The following MEDAG variants were observed in gnomAD, a reference collection of about 807,000 sequenced individuals.
MEDAG encodes mesenteric estrogen dependent adipogenesis.
A neutral mutation model predicts 29.9 loss-of-function variants in MEDAG; 25 were observed. The ratio of observed to expected loss-of-function variants is 0.84; its 90% CI spans 0.61 to 1.17. The LOEUF (loss-of-function observed/expected upper bound fraction) is 1.17. Among genes scored for constraint, MEDAG ranks in the 50% most tolerant of loss-of-function variants. The pLI, the probability that MEDAG is intolerant of heterozygous loss-of-function variation, is 0.00. For missense variants in MEDAG, 398 were observed against 372.9 expected (o/e 1.07, Z -0.56); for synonymous variants, 158 against 148.2 (o/e 1.07, Z -0.48).
chr13:30,923,789 T>C (rs1180831026), intron 4 of MEDAG, among the ~76,000 whole-genome samples: 1 of 152,144 alleles, frequency 6.6e-6, no homozygotes, highest in Non-Finnish European at 1.5e-5. Context: ...TGAGGAACAT[T>C]TGAAGTTAAG....
chr13:30,907,053 G>A (rs1227954889), intron 1 of MEDAG, among the ~76,000 whole-genome samples: 1 of 152,250 alleles, frequency 6.6e-6, no homozygotes, highest in African/African-American at 2.4e-5. Flanking sequence ...GGGGCGAGGG[G>A]GAGGGCAGGG....
intron 2 of MEDAG, among the ~76,000 whole-genome samples, chr13:30,920,306 C>A (rs1952970114): frequency 6.6e-6 from 1 of 152,196 alleles, no homozygotes; most frequent in Admixed American, 6.5e-5. Context: ...GAATACCCAG[C>A]AAGTCATGGT....
chr13:30,922,004 C>G (rs923654997), intron 4 of MEDAG, 158 bp downstream of exon 4: 12 of 764,210 alleles, frequency 1.6e-5, no homozygotes, highest in Non-Finnish European at 2.4e-5. Context: ...ATGTTTATTA[C>G]CAAAAACAAA....
rs911052266 is a variant in MEDAG at position 30,921,762 on chromosome 13, A to G, written c.703A>G (p.Ile235Val). 1 of 1,613,626 alleles carries G rather than the reference A, an allele frequency of 6.2e-7. No homozygotes were observed. The highest frequency in any genetic ancestry group is 1.3e-5 in the African/African-American group (1 of 74,926). The change falls in exon 4 of 5, where the codon ATT becomes GTT. Residue 235 changes from isoleucine to valine, a missense_variant. By Grantham distance (29) the Ile-to-Val change is conservative. Transcript: ENST00000380482. ...TACAAGTCCAGAAAAGAAGGAGACG[A>G]TTAAGTTATTTCTGGAAAAAATGAG... ...SSTSPEKKET[I>V]KLFLEKMSEP...
At chr13:30,924,164 T>G in intron 4 of MEDAG, 147 bp from the exon 5 acceptor site, 1 of 806,242 alleles carries the variant, frequency 1.2e-6, no homozygotes, top group Non-Finnish European at 1.9e-6. Context: ...GCAACACATT[T>G]CTGTTTAGCC....
At chr13:30,924,169 T>G in intron 4 of MEDAG, 142 bp from the exon 5 acceptor site, 1 of 836,280 alleles carries the variant, frequency 1.2e-6, no homozygotes, top group Non-Finnish European at 1.8e-6. Context: ...ACATTTCTGT[T>G]TAGCCTTTTG....
intron 1 of MEDAG, chr13:30,908,671 A>T (rs1952852097): frequency 6.6e-6 from 1 of 151,950 alleles, no homozygotes; most frequent in Non-Finnish European, 1.5e-5. Flanking sequence ...TAGAGATAGC[A>T]TAAAACCTCC....
At chr13:30,912,069 G>A (rs774336910) in intron 1 of MEDAG, among the ~76,000 whole-genome samples, 3 of 152,188 alleles carry the variant, frequency 2.0e-5, no homozygotes, top group Non-Finnish European at 2.9e-5. Context: ...TAGGTACTCA[G>A]TAATCGTTCC....
chr13:30,915,313 T>C (rs1593506949), intron 1 of MEDAG, among the ~76,000 whole-genome samples: 1 of 152,314 alleles, frequency 6.6e-6, no homozygotes, highest in Non-Finnish European at 1.5e-5. Flanking sequence ...ATCTATGATA[T>C]TTGTGCTGGG....
Position 30,906,771 on chromosome 13 carries a change from C to G in MEDAG, c.256C>G (p.Arg86Gly). 2 of 1,510,506 alleles carry G rather than the reference C, an allele frequency of 1.3e-6. No homozygotes were observed. The highest frequency in any genetic ancestry group is 1.8e-6 in the Non-Finnish European group (2 of 1,140,192). The allele number at this position is 1,510,506 out of a possible 1,614,324, so 93.6% of individuals were successfully genotyped here. A position where few individuals can be genotyped will look rare whatever the true frequency, so the allele number is the denominator to read the frequency against. Residue 86 changes from arginine to glycine, a missense_variant, in exon 1 of 5, where the codon CGC (arginine) becomes GGC (glycine). By Grantham distance (125) the Arg-to-Gly change is moderately radical. Coordinates refer to ENST00000380482, the MANE Select transcript of MEDAG (RefSeq NM_032849.4). ...GLVRLDGQLYRLSSYIKRYVE... is the reference protein window; with the variant it reads ...GLVRLDGQLYGLSSYIKRYVE... ...CGTGCGCCTCGACGGGCAGCTCTAC[C>G]GCCTCAGCAGCTACATCAAGAGGTG... is the stretch of plus-strand genomic sequence containing the variant.
intron 1 of MEDAG, among the ~76,000 whole-genome samples, chr13:30,915,168 C>G (rs750705832): frequency 6.6e-6 from 1 of 152,116 alleles, no homozygotes; most frequent in Non-Finnish European, 1.5e-5. Flanking sequence ...ATCCTCACCC[C>G]CCACGTAACA....
intron 1 of MEDAG, among the ~76,000 whole-genome samples, chr13:30,907,739 G>T (rs1349027688): frequency 6.6e-6 from 1 of 152,262 alleles, no homozygotes. Flanking sequence ...AAGATAGCCA[G>T]CTTTTGAGAC....
At position 30,906,478 on chromosome 13, in the gene MEDAG, G is replaced by A. The variant is rs533638260; in HGVS notation, c.-38G>A. On this transcript the variant is annotated 5_prime_UTR_variant, in exon 1 of 5. Transcript: ENST00000380482. The stretch of plus-strand genomic sequence containing the variant: ...GTGCCGGCTGGGGGCTGTAGGCACC[G>A]GACGGAAGCAGGCGGTGTGAGGACC... The A allele has an allele frequency of 2.5e-5, 36 of 1,443,068 alleles. No homozygotes were observed. Among genetic ancestry groups the A allele is most frequent in the South Asian group, 2.4e-4 (16 of 66,890 alleles). The allele number at this position is 1,443,068 out of a possible 1,614,324, so 89.4% of individuals were successfully genotyped here. A position where few individuals can be genotyped will look rare whatever the true frequency, so the allele number is the denominator to read the frequency against.
chr13:30,906,524 G>C lies in MEDAG; in HGVS notation c.9G>C (p.Gly3=), dbSNP rs774419939. ...GGACCGACGACGCGGGCATGGCGGG[G>C]GCGGCCTGCGAGCCGGTGGCCAGGC... MA[G]AACEPVARPS... The change falls in exon 1 of 5, where the codon GGG becomes GGC. Residue 3 remains glycine, a synonymous_variant. Coordinates refer to ENST00000380482, the MANE Select transcript of MEDAG (RefSeq NM_032849.4). 143 of 1,512,160 alleles carry C rather than the reference G, an allele frequency of 9.5e-5. No individual in the cohort carries two copies. The highest frequency in any genetic ancestry group is 1.2e-4 in the Non-Finnish European group (138 of 1,138,064). 93.7% of individuals were successfully genotyped at this position (1,512,160 alleles called of 1,614,324 possible).
intron 1 of MEDAG, 33 bp from the exon 2 acceptor site, chr13:30,917,370 G>T (rs61947582): frequency 8.0e-7 from 1 of 1,244,854 alleles, no homozygotes; most frequent in Non-Finnish European, 1.2e-6. Flanking sequence ...GAAAGGGTAC[G>T]TTACATTTGC....
chr13:30,922,154 A>T (rs2138128811), intron 4 of MEDAG: 1 of 198,902 alleles, frequency 5.0e-6, no homozygotes, highest in Non-Finnish European at 1.0e-5. Flanking sequence ...TGGCAATCAT[A>T]TTGGAAGACT....
chr13:30,924,371 T>C lies in MEDAG; in HGVS notation c.848T>C (p.Leu283Pro). 6.2e-7 allele frequency: 1 copy of C among 1,614,132 alleles called. No homozygotes were observed. ...LSPRSSLTEPLLAELPFPSVL... is the reference protein window; with the variant it reads ...LSPRSSLTEPPLAELPFPSVL... ...CCCAGATCATCTCTGACAGAGCCTC[T>C]TTTGGCAGAATTACCATTTCCAAGT... Residue 283 changes from leucine to proline, a missense_variant, in exon 5 of 5, where the codon CTT becomes CCT. Physicochemically the swap from Leu to Pro is moderately conservative, Grantham distance 98 (BLOSUM62 -3). Transcript: ENST00000380482.
chr13:30,924,005 C>T (rs1006037081), intron 4 of MEDAG, among the ~76,000 whole-genome samples: 1 of 146,138 alleles, frequency 6.8e-6, no homozygotes, highest in African/African-American at 2.4e-5. Context: ...GGGCCCATTC[C>T]CTGCAAAAAC....
chr13:30,910,817 A>C (rs1021354440), intron 1 of MEDAG, among the ~76,000 whole-genome samples: 1 of 152,200 alleles, frequency 6.6e-6, no homozygotes, highest in Non-Finnish European at 1.5e-5. Context: ...CACACTTGGA[A>C]GTTTACTGGG....
Sources: gnomAD v4.1 joint callset for allele counts (sites outside exome capture counted in the v4.1 genomes callset) on GRCh38, gnomAD v4.1.1 for gene constraint, MANE v1.5 for transcripts, NCBI Gene and HGNC (gene_info 2026-07-23, HGNC 2026-07-21) for gene names.